BMP5: variants seen among roughly 807,000 people sequenced by gnomAD.
The protein encoded by BMP5 is bone morphogenetic protein 5.
BMP5 carries 23 observed loss-of-function variants against 46.6 expected under a neutral mutation model. The observed-to-expected ratio is 0.49, with a 90% confidence interval of 0.35 to 0.70. BMP5 has a LOEUF of 0.70. Among genes scored for constraint, BMP5 ranks in the 30% least tolerant of loss-of-function variants. BMP5 has a pLI of 0.00. For synonymous variants in BMP5, 204 were observed against 191.9 expected, an observed-to-expected ratio of 1.06 and a Z score of -0.52; for missense variants, 545 against 565.6, an observed-to-expected ratio of 0.96 and a Z score of 0.37.
At chr6:55,822,033 A>T in intron 1 of BMP5, among the ~76,000 whole-genome samples, 1 of 152,166 alleles carries the variant, frequency 6.6e-6, no homozygotes. Flanking sequence ...TAATATTAAC[A>T]TATTCTGCCT....
At chr6:55,841,057 T>C (rs1390907092) in intron 1 of BMP5, among the ~76,000 whole-genome samples, 1 of 152,156 alleles carries the variant, frequency 6.6e-6, no homozygotes, top group Non-Finnish European at 1.5e-5. Context: ...GTGCGAACCC[T>C]ATTTTTAACT....
intron 1 of BMP5, among the ~76,000 whole-genome samples, chr6:55,856,777 T>C (rs2127552069): frequency 6.6e-6 from 1 of 152,266 alleles, no homozygotes; most frequent in Admixed American, 6.5e-5. Flanking sequence ...CATATCAATA[T>C]ATTTCAAAGC....
chr6:55,801,913 T>C (rs953544164), intron 2 of BMP5, among the ~76,000 whole-genome samples: 2 of 152,230 alleles, frequency 1.3e-5, no homozygotes, highest in South Asian at 2.1e-4. Flanking sequence ...CTTCCCATGC[T>C]TCCCATCAAA....
chr6:55,841,096 T>G (rs1776937832), intron 1 of BMP5, among the ~76,000 whole-genome samples: 1 of 152,130 alleles, frequency 6.6e-6, no homozygotes, highest in East Asian at 1.9e-4. Flanking sequence ...CATTGCATGT[T>G]CCTTATGAGA....
chr6:55,871,298 G>A (rs1777782979), intron 1 of BMP5, among the ~76,000 whole-genome samples: 1 of 151,822 alleles, frequency 6.6e-6, no homozygotes, highest in African/African-American at 2.4e-5. Context: ...AAGTTCCACT[G>A]ATATTCAACA....
Position 55,859,107 on chromosome 6 carries a change from G to A in BMP5, c.490+15269C>T, listed in dbSNP as rs149974151. 9.9e-5 allele frequency among the ~76,000 whole-genome samples: 15 copies of A among 152,144 alleles called. No individual in the cohort carries two copies. In the East Asian group the frequency reaches 2.3e-3, roughly 24 times the overall value. ...CAAACCTGCACGTTCTGCACATGAC[G>A]TGTATCCCACAACTTAAAGTAAAAT... On this transcript the variant is annotated intron_variant, in intron 1 of 6. Transcript: ENST00000370830.
chr6:55,814,359 G>A (rs1339184382), intron 2 of BMP5, among the ~76,000 whole-genome samples: 1 of 152,046 alleles, frequency 6.6e-6, no homozygotes, highest in East Asian at 1.9e-4. Context: ...AAAATATATT[G>A]ATGAATGTAT....
At chr6:55,805,359 C>T (rs1013174388) in intron 2 of BMP5, among the ~76,000 whole-genome samples, 1 of 152,006 alleles carries the variant, frequency 6.6e-6, no homozygotes, top group Non-Finnish European at 1.5e-5. Context: ...AGTTTTAAGC[C>T]CCACATGATT....
At chr6:55,872,815 A>C in intron 1 of BMP5, among the ~76,000 whole-genome samples, 1 of 151,966 alleles carries the variant, frequency 6.6e-6, no homozygotes, top group Non-Finnish European at 1.5e-5. Flanking sequence ...TTTTTCTATT[A>C]AAATATTTAA....
At chr6:55,825,386 A>G (rs543412220) in intron 1 of BMP5, among the ~76,000 whole-genome samples, 14 of 151,866 alleles carry the variant, frequency 9.2e-5, no homozygotes, top group Non-Finnish European at 1.6e-4. Flanking sequence ...GGTAACATCA[A>G]AGCATACAAG....
intron 1 of BMP5, among the ~76,000 whole-genome samples, chr6:55,842,264 G>A (rs1776980477): frequency 6.6e-6 from 1 of 152,054 alleles, no homozygotes; most frequent in Admixed American, 6.6e-5. Context: ...CCTATCTTAG[G>A]TATCTTTACT....
At chr6:55,803,252 C>T (rs984128538) in intron 2 of BMP5, among the ~76,000 whole-genome samples, 1 of 151,686 alleles carries the variant, frequency 6.6e-6, no homozygotes, top group Admixed American at 6.6e-5. Flanking sequence ...GCTGAGATCA[C>T]GCCATTGCAC....
chr6:55,754,083 A>G lies in BMP5; in HGVS notation c.*1450T>C, dbSNP rs1762496455. ...AAACAAAGCCATAACATTTTTGAAG[A>G]CATTTTTGGTATACGTTTGGTTTGA... On this transcript the variant is annotated 3_prime_UTR_variant, in exon 7 of 7. Coordinates refer to ENST00000370830, the MANE Select transcript of BMP5 (RefSeq NM_021073.4). The G allele has an allele frequency of 6.6e-6, 1 of 151,984 alleles. No homozygotes were observed. Among genetic ancestry groups the G allele is most frequent in the Admixed American group, 6.6e-5 (1 of 15,210 alleles). The allele number at this position is 151,984 out of a possible 1,614,324, so 9.4% of individuals were successfully genotyped here.
chr6:55,788,017 T>G (rs1490919032), intron 3 of BMP5, among the ~76,000 whole-genome samples: 1 of 151,562 alleles, frequency 6.6e-6, no homozygotes, highest in South Asian at 2.1e-4. Context: ...CTACTAATAT[T>G]TATTTGATCT....
At chr6:55,776,779 C>G (rs1233253362) in intron 3 of BMP5, among the ~76,000 whole-genome samples, 2 of 151,930 alleles carry the variant, frequency 1.3e-5, no homozygotes, top group Non-Finnish European at 2.9e-5. Context: ...TAAATAAGCA[C>G]TTAACAAGAA....
chr6:55,783,649 A>C (rs1775379020), intron 3 of BMP5, among the ~76,000 whole-genome samples: 1 of 152,076 alleles, frequency 6.6e-6, no homozygotes, highest in African/African-American at 2.4e-5. Context: ...GTATGATGAC[A>C]ATAAGTAGTA....
At chr6:55,773,367 G>A (rs1231938544) in intron 4 of BMP5, among the ~76,000 whole-genome samples, 1 of 151,868 alleles carries the variant, frequency 6.6e-6, no homozygotes, top group South Asian at 2.1e-4. Flanking sequence ...TAAATAATAC[G>A]ATTAAGCCAC....
chr6:55,800,948 T>C (rs972717426), intron 2 of BMP5, among the ~76,000 whole-genome samples: 2 of 152,156 alleles, frequency 1.3e-5, no homozygotes, highest in Admixed American at 1.3e-4. Context: ...AGCACTGATA[T>C]TTGGACTGGA....
chr6:55,755,605 G>A lies in BMP5; in HGVS notation c.1293C>T (p.Tyr431=), dbSNP rs748613061. ...PTKLNAISVL[Y]FDDSSNVILK... ...AAATGACATTGGAGCTGTCATCAAA[G>A]TACAGAACAGAGATGGCATTTAATT... Residue 431 remains tyrosine, a synonymous_variant, in exon 7 of 7, where the codon TAC becomes TAT. Transcript: ENST00000370830. The A allele has an allele frequency of 6.2e-7, 1 of 1,612,190 alleles. No individual in the cohort carries two copies. The highest frequency in any genetic ancestry group is 8.5e-7 in the Non-Finnish European group (1 of 1,178,740).
Sources: allele counts gnomAD v4.1 joint callset (sites outside exome capture counted in the v4.1 genomes callset), GRCh38; gene constraint gnomAD v4.1.1; transcripts MANE v1.5; gene names NCBI Gene and HGNC (gene_info 2026-07-23, HGNC 2026-07-21).